The following ADGRB1 variants were observed in gnomAD, a reference collection of about 807,000 sequenced individuals.
ADGRB1 encodes brain-specific angiogenesis inhibitor 1.
A neutral mutation model predicts 175.7 loss-of-function variants in ADGRB1; 36 were observed. That is an observed-to-expected ratio of 0.20 (90% CI 0.16 to 0.27). The LOEUF (loss-of-function observed/expected upper bound fraction) is 0.27, where lower values mean the gene tolerates loss of function less well. ADGRB1 is among the 10% of genes least tolerant of loss of function. The probability of loss-of-function intolerance (pLI) is 1.00; values close to 1 mark genes in which losing one functional copy is unlikely to be tolerated. For missense variants in ADGRB1, 1,731 were observed against 2,255.3 expected, an observed-to-expected ratio of 0.77 and a Z score of 4.71; for synonymous variants, 1,054 against 979.4, an observed-to-expected ratio of 1.08 and a Z score of -1.42.
Position 142,455,234 on chromosome 8 carries a change from TC to T in ADGRB1, c.-220+5136del, listed in dbSNP as rs1839600371. ...CCAACACCAAAGCCAACAAACACCT[TC>T]CCCCCATCACTCCCACTCGCCTCAG... is the stretch of plus-strand genomic sequence containing the variant. On this transcript the variant is annotated intron_variant, in intron 1 of 30. Transcript: ENST00000517894. This position sits in a 1 kb window ranked among gnomAD's most constrained non-coding sequence, Gnocchi z 4.9. Among the ~76,000 whole-genome samples, 2 of 148,656 alleles carry T rather than the reference TC, an allele frequency of 1.3e-5. No homozygotes were observed. Among genetic ancestry groups the T allele is most frequent in the East Asian group, 4.1e-4 (2 of 4,904 alleles).
In ADGRB1 at chr8:142,510,981, T is replaced by C; in HGVS notation, c.2725T>C (p.Cys909Arg). 1 of 1,281,498 alleles carries C rather than the reference T, an allele frequency of 7.8e-7. No individual in the cohort carries two copies. The highest frequency in any genetic ancestry group is 1.0e-6 in the Non-Finnish European group (1 of 995,130). 79.4% of individuals were successfully genotyped at this position (1,281,498 alleles called of 1,614,324 possible). Reference protein sequence around the residue: ...PQLGPWSWRGCRTVPLDALRT... With the variant: ...PQLGPWSWRGRRTVPLDALRT... The stretch of plus-strand genomic sequence containing the variant: ...GCTCGGGCCCTGGTCGTGGCGCGGC[T>C]GCCGCACGGTGCCCCTCGACGCCCT... The change falls in exon 18 of 31, where the codon TGC (cysteine) becomes CGC (arginine). Residue 909 changes from cysteine (C) to arginine (R), a missense_variant. Coordinates refer to ENST00000517894, the MANE Select transcript of ADGRB1 (RefSeq NM_001702.3). The surrounding 1 kb of genome is among the most constrained non-coding windows in gnomAD (Gnocchi z 6.3).
chr8:142,460,061 G>T (rs541530351), intron 1 of ADGRB1, among the ~76,000 whole-genome samples: 17 of 152,232 alleles, frequency 1.1e-4, no homozygotes, highest in African/African-American at 4.1e-4. Context: ...TGCAGTGCCC[G>T]GCTCGGGCCT....
chr8:142,489,722 C>A (rs1423425964), intron 16 of ADGRB1, among the ~76,000 whole-genome samples: 2 of 152,208 alleles, frequency 1.3e-5, no homozygotes, highest in East Asian at 1.9e-4. Context: ...GGTCATTCCG[C>A]TTCTGAGAAG....
intron 19 of ADGRB1, 67 bp downstream of exon 19, chr8:142,518,308 A>T: frequency 6.5e-7 from 1 of 1,535,750 alleles, no homozygotes; most frequent in Non-Finnish European, 9.0e-7. Flanking sequence ...CTTCCCTTGA[A>T]GGTCACGGGC....
intron 26 of ADGRB1, among the ~76,000 whole-genome samples, chr8:142,538,252 C>T (rs1418833537): frequency 6.6e-6 from 1 of 152,202 alleles, no homozygotes. Context: ...CTCCCTGGGT[C>T]CCGGGGTGCC....
chr8:142,481,312 C>G lies in ADGRB1; in HGVS notation c.1887C>G (p.Pro629=). The change falls in exon 10 of 31, where the codon CCC becomes CCG. Residue 629 remains proline (P), a synonymous_variant. Transcript: ENST00000517894. ...AAGGCATCGCCTACTGGGAGCCCCC[C>G]ACCTACATCCGCTGTGTTTCCATTG... ...DEEGIAYWEP[P]TYIRCVSIDY... 2 of 1,613,870 alleles carry G rather than the reference C, an allele frequency of 1.2e-6. No homozygotes were observed. The highest frequency in any genetic ancestry group is 8.5e-7 in the Non-Finnish European group (1 of 1,179,868).
Position 142,485,685 on chromosome 8 carries a change from G to C in ADGRB1, c.2308+921G>C, listed in dbSNP as rs150918840. On this transcript the variant is annotated intron_variant, in intron 13 of 30. Coordinates refer to ENST00000517894, the MANE Select transcript of ADGRB1 (RefSeq NM_001702.3). Reference sequence around the variant, plus strand: ...CTATACTGGTGCCCAGGACGTAACTGGTAGCCAGCTCCCAGAGCACTCGGC... The same window carrying C: ...CTATACTGGTGCCCAGGACGTAACTCGTAGCCAGCTCCCAGAGCACTCGGC... 5.5e-3 allele frequency among the ~76,000 whole-genome samples: 836 copies of C among 152,326 alleles called. 6 individuals are homozygous for C. Among genetic ancestry groups the C allele is most frequent in the Middle Eastern group, 0.031 (9 of 294 alleles).
Position 142,542,733 on chromosome 8 carries a change from C to T in ADGRB1, c.4413+86C>T, listed in dbSNP as rs532150794. The stretch of plus-strand genomic sequence containing the variant: ...TCACCCCTGCTGGGTGGGACCCCCA[C>T]GCCGTCAGCGGGGCGGGCTGGCTCT... On this transcript the variant is annotated intron_variant, in intron 28 of 30. Coordinates refer to ENST00000517894, the MANE Select transcript of ADGRB1 (RefSeq NM_001702.3). The surrounding 1 kb of genome is among the most constrained non-coding windows in gnomAD (Gnocchi z 6.3). 123 of 1,270,296 alleles carry T rather than the reference C, an allele frequency of 9.7e-5. No individual in the cohort carries two copies. The highest frequency in any genetic ancestry group is 9.4e-4 in the African/African-American group (60 of 63,908). 78.7% of individuals were successfully genotyped at this position (1,270,296 alleles called of 1,614,324 possible).
intron 15 of ADGRB1, 43 bp from the exon 16 acceptor site, chr8:142,489,293 G>C: frequency 6.2e-7 from 1 of 1,604,184 alleles, no homozygotes; most frequent in South Asian, 1.1e-5. Flanking sequence ...AGGAGCCTGG[G>C]CTGGGAGGGC....
chr8:142,464,480 C>T lies in ADGRB1; in HGVS notation c.282C>T (p.Ser94=), dbSNP rs1173519625. The T allele has an allele frequency of 1.3e-6, 2 of 1,580,960 alleles. No homozygotes were observed. Among genetic ancestry groups the T allele is most frequent in the Non-Finnish European group, 8.6e-7 (1 of 1,168,288 alleles). Residue 94 remains serine, a synonymous_variant, in exon 2 of 31, where the codon AGC becomes AGT. Transcript: ENST00000517894. ...TGGCCAAGGCGCCCGTGCCCTGCAG[C>T]GGCCCCGGCCGCGTGCGCACCTACC... ...MKVAKAPVPC[S]GPGRVRTYQF...
In ADGRB1 at chr8:142,469,530, T is replaced by C. The variant is rs370104373; in HGVS notation, c.784+4548T>C. On this transcript the variant is annotated intron_variant, in intron 2 of 30. Transcript: ENST00000517894. ...ATGTGTGTGTATGCACGTGCATGTG[T>C]GAATGTGAGTGTATGCACGTGCATG... Among the ~76,000 whole-genome samples the C allele has an allele frequency of 5.3e-3, 767 of 144,104 alleles. 10 individuals are homozygous for C. The highest frequency in any genetic ancestry group is 0.018 in the African/African-American group (711 of 39,992). The allele number at this position is 144,104 out of a possible 152,430, so 94.5% of individuals were successfully genotyped here.
In ADGRB1 at chr8:142,542,126, C is replaced by G; in HGVS notation, c.3892C>G (p.Pro1298Ala). ...CGGCTCACCCCGCTATCCCGGCGGG[C>G]CCCTGCCCGACTTCCCCAACCACTC... ...LHGSPRYPGGPLPDFPNHSLT... is the reference protein window; with the variant it reads ...LHGSPRYPGGALPDFPNHSLT... The change falls in exon 28 of 31, where the codon CCC (proline) becomes GCC (alanine). Residue 1298 changes from proline to alanine, a missense_variant. Pro to Ala is a conservative substitution (Grantham distance 27, BLOSUM62 -1). Around this residue, in one of 8 missense-constraint regions of ADGRB1, gnomAD observed 394 missense variants for 410.2 expected, o/e 0.96. Coordinates refer to ENST00000517894, the MANE Select transcript of ADGRB1 (RefSeq NM_001702.3). This position sits in a 1 kb window ranked among gnomAD's most constrained non-coding sequence, Gnocchi z 6.3. 2 of 1,613,534 alleles carry G rather than the reference C, an allele frequency of 1.2e-6. No homozygotes were observed. Among genetic ancestry groups the G allele is most frequent in the Non-Finnish European group, 1.7e-6 (2 of 1,179,812 alleles).
At chr8:142,516,586 T>C (rs148839834) in intron 18 of ADGRB1, among the ~76,000 whole-genome samples, 2 of 144,350 alleles carry the variant, frequency 1.4e-5, no homozygotes, top group Non-Finnish European at 3.0e-5. Context: ...CCCAGGGGCA[T>C]GCGTGTGTGT....
rs756768462 is a variant in ADGRB1, at chr8:142,479,678, C to T, written c.1727-15C>T. ...AGTACCCCTTCCTGAACCCCTGTCC[C>T]GGGCCCCTTGGCAGAGCCCCATGAG... On this transcript the variant is annotated splice_polypyrimidine_tract_variant and intron_variant, in intron 8 of 30. Coordinates refer to ENST00000517894, the MANE Select transcript of ADGRB1 (RefSeq NM_001702.3). 1.6e-5 allele frequency: 26 copies of T among 1,610,646 alleles called. No homozygotes were observed. Among genetic ancestry groups the T allele is most frequent in the Non-Finnish European group, 2.0e-5 (24 of 1,177,714 alleles).
At chr8:142,484,130 G>C in intron 12 of ADGRB1, 85 bp downstream of exon 12, 1 of 1,244,916 alleles carries the variant, frequency 8.0e-7, no homozygotes, top group Non-Finnish European at 1.1e-6. Flanking sequence ...TCGGCCTGGG[G>C]TGGGGTCCCG....
At chr8:142,491,696 C>T (rs1013780216) in intron 17 of ADGRB1, among the ~76,000 whole-genome samples, 3 of 152,212 alleles carry the variant, frequency 2.0e-5, no homozygotes, top group Admixed American at 6.5e-5. Context: ...CCCTCAGCCC[C>T]AGTCCCTCCT....
chr8:142,466,522 G>C (rs148165132), intron 2 of ADGRB1, among the ~76,000 whole-genome samples: 104 of 152,286 alleles, frequency 6.8e-4, no homozygotes, highest in African/African-American at 2.4e-3. Context: ...CCTGGGCAGT[G>C]GGGGGCCAGG....
Position 142,493,405 on chromosome 8 carries a change from G to C in ADGRB1, c.2675+2590G>C, listed in dbSNP as rs62513270. Reference sequence around the variant, plus strand: ...AGTCCCCAGGGTGTTTGGCGTCCGCGTGGCCTCTGTCGACCCTAAAAGTCA... The same window carrying C: ...AGTCCCCAGGGTGTTTGGCGTCCGCCTGGCCTCTGTCGACCCTAAAAGTCA... On this transcript the variant is annotated intron_variant, in intron 17 of 30. Transcript: ENST00000517894. The surrounding 1 kb of genome is among the most constrained non-coding windows in gnomAD (Gnocchi z 5.0). Among the ~76,000 whole-genome samples the C allele has an allele frequency of 0.015, 2,213 of 152,244 alleles. 22 individuals are homozygous for C. Among genetic ancestry groups the C allele is most frequent in the South Asian group, 0.028 (136 of 4,822 alleles).
At position 142,543,770 on chromosome 8, in the gene ADGRB1, C is replaced by A; in HGVS notation, c.4557+62C>A. The A allele has an allele frequency of 7.0e-7, 1 of 1,427,006 alleles. No individual in the cohort carries two copies. Among genetic ancestry groups the A allele is most frequent in the Non-Finnish European group, 9.7e-7 (1 of 1,035,992 alleles). 88.4% of individuals were successfully genotyped at this position (1,427,006 alleles called of 1,614,324 possible). On this transcript the variant is annotated intron_variant, in intron 30 of 30. Coordinates refer to ENST00000517894, the MANE Select transcript of ADGRB1 (RefSeq NM_001702.3). The surrounding 1 kb of genome is among the most constrained non-coding windows in gnomAD (Gnocchi z 4.4). ...CTTAGGTCAGGCCACCGTCTCCCTT[C>A]TTCCCTGGATTTGTGCACTTCATCC...
Sources: gnomAD v4.1 joint callset for allele counts (sites outside exome capture counted in the v4.1 genomes callset) on GRCh38, gnomAD v4.1.1 for gene constraint, gnomAD v4.1.1 regional missense constraint, Gnocchi (gnomAD v3.1) non-coding constraint, MANE v1.5 for transcripts, NCBI Gene and HGNC (gene_info 2026-07-23, HGNC 2026-07-21) for gene names.